The following AAMP variants were observed in gnomAD, a reference collection of about 807,000 sequenced individuals.
AAMP encodes angio associated migratory cell protein.
A neutral mutation model predicts 51.1 loss-of-function variants in AAMP; 12 were observed. That is an observed-to-expected ratio of 0.23 (90% CI 0.15 to 0.38). AAMP has a LOEUF of 0.38. Ranked by LOEUF, AAMP falls within the 10% of genes least tolerant of loss-of-function variation. The pLI, the probability that AAMP is intolerant of heterozygous loss-of-function variation, is 1.00. For synonymous variants in AAMP, 210 were observed against 218.7 expected (o/e 0.96, Z 0.35); for missense variants, 418 against 557.2 (o/e 0.75, Z 2.52).
At chr2:218,268,171 G>A (rs1195813591) in intron 2 of AAMP, among the ~76,000 whole-genome samples, 1 of 151,824 alleles carries the variant, frequency 6.6e-6, no homozygotes, top group Non-Finnish European at 1.5e-5. Context: ...GTTTCATCAT[G>A]TTGGTCAGGC....
intron 1 of AAMP, 92 bp from the exon 2 acceptor site, chr2:218,269,626 T>C (rs1420449823): frequency 5.0e-6 from 8 of 1,600,784 alleles, no homozygotes; most frequent in East Asian, 2.2e-5. Flanking sequence ...GGGCGGGTCA[T>C]GTGGCGAGAA....
chr2:218,266,523 A>T lies in AAMP; in HGVS notation c.599T>A (p.Met200Lys), dbSNP rs772859639. Residue 200 changes from methionine (M) to lysine (K), a missense_variant, in exon 5 of 11, where the codon ATG becomes AAG. Physicochemically the swap from Met to Lys is moderately conservative, Grantham distance 95. Transcript: ENST00000248450. The surrounding 1 kb of genome is among the most constrained non-coding windows in gnomAD (Gnocchi z 4.7). ...LAGTADGNTW[M>K]WKVPNGDCKT... ...GCAGTCACCATTCGGGACTTTCCAC[A>T]TCCAGGTGTTGCCGTCAGCTGTGCC... The T allele has an allele frequency of 5.0e-6, 8 of 1,613,878 alleles. No individual in the cohort carries two copies. The highest frequency in any genetic ancestry group is 6.8e-6 in the Non-Finnish European group (8 of 1,180,012).
In AAMP at chr2:218,265,110, C is replaced by A. The variant is rs1370028360; in HGVS notation, c.1139G>T (p.Gly380Val). 6.2e-7 allele frequency: 1 copy of A among 1,612,124 alleles called. No homozygotes were observed. The highest frequency in any genetic ancestry group is 1.7e-5 in the Admixed American group (1 of 59,874). Residue 380 changes from glycine to valine, a missense_variant, in exon 10 of 11, where the codon GGC becomes GTC. By Grantham distance (109) the Gly-to-Val change is moderately radical. Coordinates refer to ENST00000248450, the MANE Select transcript of AAMP (RefSeq NM_001087.5). This position sits in a 1 kb window ranked among gnomAD's most constrained non-coding sequence, Gnocchi z 6.6. ...CCGGGCGTCCCAGAGGCGCACGATGCCATCCAGGCTGCAGGTATATACCAC... is the reference window on the plus strand; with the variant it reads ...CCGGGCGTCCCAGAGGCGCACGATGACATCCAGGCTGCAGGTATATACCAC... ...TAVVYTCSLD[G>V]IVRLWDARTG...
In AAMP at chr2:218,265,438, T is replaced by C. The variant is rs1690601274; in HGVS notation, c.1007A>G (p.Tyr336Cys). 1 of 1,566,386 alleles carries C rather than the reference T, an allele frequency of 6.4e-7. No homozygotes were observed. The highest frequency in any genetic ancestry group is 1.9e-5 in the Admixed American group (1 of 52,244). Residue 336 changes from tyrosine (Y) to cysteine (C), a missense_variant, in exon 9 of 11, where the codon TAC (tyrosine) becomes TGC (cysteine). Coordinates refer to ENST00000248450, the MANE Select transcript of AAMP (RefSeq NM_001087.5). The surrounding 1 kb of genome is among the most constrained non-coding windows in gnomAD (Gnocchi z 6.6). ...CSVMPLAAVG[Y>C]LDGTLAIYDL... Reference sequence around the variant, plus strand: ...ATAGATGGCCAAGGTCCCATCCAGGTAGCCAACAGCTGCCAGGGGCATCCT... The same window carrying C: ...ATAGATGGCCAAGGTCCCATCCAGGCAGCCAACAGCTGCCAGGGGCATCCT...
Position 218,266,310 on chromosome 2 carries a change from C to A in AAMP, c.679+133G>T. 7.2e-7 allele frequency: 1 copy of A among 1,398,186 alleles called. No homozygotes were observed. The highest frequency in any genetic ancestry group is 2.0e-5 in the Admixed American group (1 of 49,224). The allele number at this position is 1,398,186 out of a possible 1,614,324, so 86.6% of individuals were successfully genotyped here. On this transcript the variant is annotated intron_variant, in intron 5 of 10. Coordinates refer to ENST00000248450, the MANE Select transcript of AAMP (RefSeq NM_001087.5). This position sits in a 1 kb window ranked among gnomAD's most constrained non-coding sequence, Gnocchi z 4.7. The stretch of plus-strand genomic sequence containing the variant: ...AAGGAGGCGCTGTGAACTTTGGGGC[C>A]CAGGAGGTCAGCACTGCAAACAGCA...
chr2:218,265,565 C>T lies in AAMP; in HGVS notation c.983+14G>A. 6.2e-7 allele frequency: 1 copy of T among 1,612,382 alleles called. No homozygotes were observed. The highest frequency in any genetic ancestry group is 8.5e-7 in the Non-Finnish European group (1 of 1,178,540). On this transcript the variant is annotated intron_variant, in intron 8 of 10. Transcript: ENST00000248450. The surrounding 1 kb of genome is among the most constrained non-coding windows in gnomAD (Gnocchi z 6.6). ...AGGCCCCTCCCACAAACCCCTTTCC[C>T]CATCCTCACTCACACACTGCAGAAG...
Position 218,266,999 on chromosome 2 carries a change from G to C in AAMP, c.395-13C>G, listed in dbSNP as rs1690647805. 6.2e-7 allele frequency: 1 copy of C among 1,611,618 alleles called. No homozygotes were observed. Among genetic ancestry groups the C allele is most frequent in the African/African-American group, 1.3e-5 (1 of 74,872 alleles). On this transcript the variant is annotated splice_polypyrimidine_tract_variant and intron_variant, in intron 3 of 10. Coordinates refer to ENST00000248450, the MANE Select transcript of AAMP (RefSeq NM_001087.5). This position sits in a 1 kb window ranked among gnomAD's most constrained non-coding sequence, Gnocchi z 4.7. Reference sequence around the variant, plus strand: ...GAGTCTTTATGGCCTTCAAAGAAAAGTGGGCAGAAAACAGAGGAAAAAAAT... The same window carrying C: ...GAGTCTTTATGGCCTTCAAAGAAAACTGGGCAGAAAACAGAGGAAAAAAAT...
chr2:218,269,048 G>A (rs1434450236), intron 2 of AAMP, among the ~76,000 whole-genome samples: 1 of 152,112 alleles, frequency 6.6e-6, no homozygotes, highest in Non-Finnish European at 1.5e-5. Flanking sequence ...GGCCAGGCTG[G>A]TCTCGAACTC....
rs948830117 is a variant in AAMP at position 218,265,444 on chromosome 2, A to G, written c.1001T>C (p.Val334Ala). The G allele has an allele frequency of 1.3e-5, 20 of 1,568,190 alleles. No individual in the cohort carries two copies. The highest frequency in any genetic ancestry group is 1.6e-5 in the Non-Finnish European group (19 of 1,155,358). The stretch of plus-strand genomic sequence containing the variant: ...GGCCAAGGTCCCATCCAGGTAGCCA[A>G]CAGCTGCCAGGGGCATCCTGGCCAG... ...GFCSVMPLAA[V>A]GYLDGTLAIY... The change falls in exon 9 of 11, where the codon GTT becomes GCT. Residue 334 changes from valine (V) to alanine (A), a missense_variant. Transcript: ENST00000248450. The surrounding 1 kb of genome is among the most constrained non-coding windows in gnomAD (Gnocchi z 6.6).
rs1559493413 is a variant in AAMP, at chr2:218,267,600, A to G, written c.288T>C (p.Cys96=). Residue 96 remains cysteine (C), a synonymous_variant, in exon 3 of 11, where the codon TGT becomes TGC. Coordinates refer to ENST00000248450, the MANE Select transcript of AAMP (RefSeq NM_001087.5). This position sits in a 1 kb window ranked among gnomAD's most constrained non-coding sequence, Gnocchi z 4.6. ...TFALHSASVF[C]VSLDPKTNTL... ...TATTGGTCTTGGGGTCCAGGCTCACACAAAACACAGATGCTGTCCCAAGAG... is the reference window on the plus strand; with the variant it reads ...TATTGGTCTTGGGGTCCAGGCTCACGCAAAACACAGATGCTGTCCCAAGAG... 6.2e-7 allele frequency: 1 copy of G among 1,614,116 alleles called. No homozygotes were observed. Among genetic ancestry groups the G allele is most frequent in the Non-Finnish European group, 8.5e-7 (1 of 1,180,014 alleles).
At position 218,266,817 on chromosome 2, in the gene AAMP, C is replaced by T. The variant is rs376062808; in HGVS notation, c.534+30G>A. The T allele has an allele frequency of 6.2e-7, 1 of 1,612,624 alleles. No homozygotes were observed. The highest frequency in any genetic ancestry group is 8.5e-7 in the Non-Finnish European group (1 of 1,179,484). On this transcript the variant is annotated intron_variant, in intron 4 of 10. Coordinates refer to ENST00000248450, the MANE Select transcript of AAMP (RefSeq NM_001087.5). The surrounding 1 kb of genome is among the most constrained non-coding windows in gnomAD (Gnocchi z 4.7). Reference sequence around the variant, plus strand: ...GCACCCCCAACAACCCAAGGCCCCACAGAGCTGACTCCCGCTCTGATGATC... The same window carrying T: ...GCACCCCCAACAACCCAAGGCCCCATAGAGCTGACTCCCGCTCTGATGATC...
At chr2:218,269,694 A>T (rs1559494626) in intron 1 of AAMP, 160 bp from the exon 2 acceptor site, 1 of 1,275,912 alleles carries the variant, frequency 7.8e-7, no homozygotes, top group Non-Finnish European at 1.1e-6. Flanking sequence ...ACAGGACGGG[A>T]GGCCACGGCT....
At position 218,266,916 on chromosome 2, in the gene AAMP, A is replaced by T. The variant is rs1446957144; in HGVS notation, c.465T>A (p.Ser155Arg). 6.2e-7 allele frequency: 1 copy of T among 1,614,140 alleles called. No individual in the cohort carries two copies. Among genetic ancestry groups the T allele is most frequent in the Admixed American group, 1.7e-5 (1 of 60,014 alleles). Residue 155 changes from serine to arginine, a missense_variant, in exon 4 of 11, where the codon AGT (serine) becomes AGA (arginine). Ser to Arg is a moderately radical substitution (Grantham distance 110). Coordinates refer to ENST00000248450, the MANE Select transcript of AAMP (RefSeq NM_001087.5). This position sits in a 1 kb window ranked among gnomAD's most constrained non-coding sequence, Gnocchi z 4.7. Reference sequence around the variant, plus strand: ...CCACCTGCCACACTTTCAAGAGGCCACTCATGTCCCCTGTGGCCACTAGAG... The same window carrying T: ...CCACCTGCCACACTTTCAAGAGGCCTCTCATGTCCCCTGTGGCCACTAGAG... ...DSTLVATGDM[S>R]GLLKVWQVDT... is the part of the protein sequence containing the mutation.
In AAMP at chr2:218,265,952, A is replaced by G. The variant is rs1231357499; in HGVS notation, c.764-6T>C. ...GCCCTGGTGACCCTCAGTCCCTAGC[A>G]TAGAGCAGGGAGGCAGCTCAGGCTT... is the stretch of plus-strand genomic sequence containing the variant. On this transcript the variant is annotated splice_region_variant and splice_polypyrimidine_tract_variant and intron_variant, in intron 6 of 10. Transcript: ENST00000248450. This position sits in a 1 kb window ranked among gnomAD's most constrained non-coding sequence, Gnocchi z 6.6. 1 of 1,611,792 alleles carries G rather than the reference A, an allele frequency of 6.2e-7. No individual in the cohort carries two copies. Among genetic ancestry groups the G allele is most frequent in the Non-Finnish European group, 8.5e-7 (1 of 1,177,950 alleles).
At position 218,265,076 on chromosome 2, in the gene AAMP, G is replaced by A. The variant is rs748248112; in HGVS notation, c.1173C>T (p.Arg391=). 15 of 1,613,768 alleles carry A rather than the reference G, an allele frequency of 9.3e-6. No individual in the cohort carries two copies. Among genetic ancestry groups the A allele is most frequent in the Non-Finnish European group, 1.2e-5 (14 of 1,179,998 alleles). ...IVRLWDARTG[R]LLTDYRGHTA... is the part of the protein sequence containing the mutation. ...TGTGGCCCCGGTAGTCAGTAAGCAGGCGGCCGGTCCGGGCGTCCCAGAGGC... is the reference window on the plus strand; with the variant it reads ...TGTGGCCCCGGTAGTCAGTAAGCAGACGGCCGGTCCGGGCGTCCCAGAGGC... The change falls in exon 10 of 11, where the codon CGC becomes CGT. Residue 391 remains arginine (R), a synonymous_variant. Transcript: ENST00000248450. This position sits in a 1 kb window ranked among gnomAD's most constrained non-coding sequence, Gnocchi z 6.6.
rs758628127 is a variant in AAMP at position 218,266,565 on chromosome 2, G to C, written c.557C>G (p.Ala186Gly). 1 of 1,613,340 alleles carries C rather than the reference G, an allele frequency of 6.2e-7. No homozygotes were observed. The highest frequency in any genetic ancestry group is 1.3e-5 in the African/African-American group (1 of 74,912). Residue 186 changes from alanine to glycine, a missense_variant, in exon 5 of 11, where the codon GCA becomes GGA. Transcript: ENST00000248450. This position sits in a 1 kb window ranked among gnomAD's most constrained non-coding sequence, Gnocchi z 4.7. ...DLEWMEWHPR[A>G]PVLLAGTADG... ...AGCTGTGCCCGCCAACAGGACAGGT[G>C]CCCGAGGATGCCACTCCATCCACTG...
Position 218,266,792 on chromosome 2 carries a change from G to A in AAMP, c.534+55C>T. The A allele has an allele frequency of 6.2e-7, 1 of 1,606,658 alleles. No homozygotes were observed. Among genetic ancestry groups the A allele is most frequent in the Non-Finnish European group, 8.5e-7 (1 of 1,175,510 alleles). ...AAGGCAGAACTGGCCTCCCAAGCTT[G>A]CACCCCCAACAACCCAAGGCCCCAC... is the stretch of plus-strand genomic sequence containing the variant. On this transcript the variant is annotated intron_variant, in intron 4 of 10. Coordinates refer to ENST00000248450, the MANE Select transcript of AAMP (RefSeq NM_001087.5). The surrounding 1 kb of genome is among the most constrained non-coding windows in gnomAD (Gnocchi z 4.7).
At chr2:218,268,790 C>T (rs1382330508) in intron 2 of AAMP, among the ~76,000 whole-genome samples, 2 of 151,758 alleles carry the variant, frequency 1.3e-5, no homozygotes, top group African/African-American at 4.9e-5. Context: ...CCTCCGCCTC[C>T]CGGGTTCAAG....
Position 218,266,675 on chromosome 2 carries a change from C to T in AAMP, c.535-88G>A. ...CATGAGCTCCACCCAAGGTTTCCTG[C>T]CTCTGGGGTTCCGCGGGGACTTTCC... On this transcript the variant is annotated intron_variant, in intron 4 of 10. Transcript: ENST00000248450. This position sits in a 1 kb window ranked among gnomAD's most constrained non-coding sequence, Gnocchi z 4.7. 6.4e-7 allele frequency: 1 copy of T among 1,560,782 alleles called. No individual in the cohort carries two copies. The highest frequency in any genetic ancestry group is 8.7e-7 in the Non-Finnish European group (1 of 1,149,868).
Sources: gnomAD v4.1 joint callset for allele counts (sites outside exome capture counted in the v4.1 genomes callset) on GRCh38, gnomAD v4.1.1 for gene constraint, Gnocchi (gnomAD v3.1) non-coding constraint, MANE v1.5 for transcripts, NCBI Gene and HGNC (gene_info 2026-07-23, HGNC 2026-07-21) for gene names.